DHRS9: variants seen among roughly 807,000 people sequenced by gnomAD.
DHRS9 encodes dehydrogenase/reductase 9, also known as dehydrogenase/reductase SDR family member 9.
DHRS9 carries 18 observed loss-of-function variants against 26.6 expected under a neutral mutation model. The observed-to-expected ratio is 0.68, with a 90% CI of 0.47 to 1.00. The LOEUF (loss-of-function observed/expected upper bound fraction) is 1.00. Ranked by LOEUF, DHRS9 falls within the 50% of genes least tolerant of loss-of-function variation. The probability of loss-of-function intolerance (pLI) is 0.00; values close to 1 mark genes in which losing one functional copy is unlikely to be tolerated. For missense variants in DHRS9, 425 were observed against 378.7 expected (o/e 1.12, Z -1.01); for synonymous variants, 134 against 141.1 (o/e 0.95, Z 0.36).
chr2:169,073,198 T>C (rs1354702077), intron 1 of DHRS9, among the ~76,000 whole-genome samples: 3 of 152,260 alleles, frequency 2.0e-5, no homozygotes, highest in South Asian at 2.1e-4. Flanking sequence ...GAGAAGTATA[T>C]GCAGAGCCCA....
chr2:169,087,833 T>C (rs1254697188), intron 3 of DHRS9, among the ~76,000 whole-genome samples: 1 of 152,186 alleles, frequency 6.6e-6, no homozygotes, highest in Non-Finnish European at 1.5e-5. Context: ...CCTGGTGCCC[T>C]ATCCTACTGT....
intron 4 of DHRS9, among the ~76,000 whole-genome samples, chr2:169,093,790 A>C (rs1426132560): frequency 6.6e-6 from 1 of 152,200 alleles, no homozygotes; most frequent in Non-Finnish European, 1.5e-5. Context: ...CACAAATTGA[A>C]GGTCATCTTT....
chr2:169,093,850 C>A (rs6724509), intron 4 of DHRS9, among the ~76,000 whole-genome samples: 1 of 152,112 alleles, frequency 6.6e-6, no homozygotes, highest in African/African-American at 2.4e-5. Context: ...GCCACTAAGA[C>A]TTATTAGGTT....
intron 1 of DHRS9, among the ~76,000 whole-genome samples, chr2:169,075,133 G>C (rs1031578055): frequency 6.6e-6 from 1 of 152,034 alleles, no homozygotes; most frequent in Non-Finnish European, 1.5e-5. Context: ...CAAAAGTCTG[G>C]GGTTCTTACT....
intron 1 of DHRS9, chr2:169,070,322 C>T: frequency 1.0e-6 from 1 of 985,366 alleles, no homozygotes; most frequent in East Asian, 1.1e-4. Flanking sequence ...ATATTTACTC[C>T]CCATTTTATG....
At chr2:169,080,045 GA>G (rs1416314367) in intron 1 of DHRS9, among the ~76,000 whole-genome samples, 1 of 136,148 alleles carries the variant, frequency 7.3e-6, no homozygotes, top group Admixed American at 7.5e-5. Flanking sequence ...AAGAAAGAAA[GA>G]AAGAAAATAA....
upstream of DHRS9, among the ~76,000 whole-genome samples, chr2:169,068,025 G>A (rs1683694865): frequency 2.0e-5 from 3 of 152,152 alleles, no homozygotes; most frequent in South Asian, 6.2e-4. Flanking sequence ...TGCACTAGGC[G>A]AGTTCATTAA....
At chr2:169,087,435 T>A (rs1684387366) in intron 3 of DHRS9, among the ~76,000 whole-genome samples, 1 of 152,150 alleles carries the variant, frequency 6.6e-6, no homozygotes, top group Admixed American at 6.5e-5. Flanking sequence ...AGCCAAGGCC[T>A]GGAATTGGAG....
At chr2:169,072,280 T>C (rs1481943104) in intron 1 of DHRS9, among the ~76,000 whole-genome samples, 3 of 152,154 alleles carry the variant, frequency 2.0e-5, no homozygotes, top group African/African-American at 4.8e-5. Context: ...TGGGCCACAA[T>C]TGCAACACAT....
chr2:169,071,929 A>T (rs13428657), intron 1 of DHRS9, among the ~76,000 whole-genome samples: 75 of 151,790 alleles, frequency 4.9e-4, no homozygotes, highest in African/African-American at 1.7e-3. Flanking sequence ...TCACAGAAAC[A>T]TAATTTTTTA....
At chr2:169,069,853 A>T in intron 1 of DHRS9, 136 bp downstream of exon 1, 2 of 797,466 alleles carry the variant, frequency 2.5e-6, no homozygotes, top group Non-Finnish European at 3.0e-6. Context: ...TTTTAATGTA[A>T]CACATTAGAA....
At position 169,083,533 on chromosome 2, in the gene DHRS9, G is replaced by T; in HGVS notation, c.518G>T (p.Gly173Val). ...SSVGGRLAIVGGGYTPSKYAV... is the reference protein window; with the variant it reads ...SSVGGRLAIVVGGYTPSKYAV... ...GTTGGAGGTCGCCTTGCAATCGTTG[G>T]AGGGGGCTATACTCCATCCAAATAT... The change falls in exon 3 of 5, where the codon GGA becomes GTA. Residue 173 changes from glycine to valine, a missense_variant. Coordinates refer to ENST00000674881, the MANE Select transcript of DHRS9 (RefSeq NM_001376924.1). The T allele has an allele frequency of 1.2e-6, 2 of 1,614,096 alleles. No individual in the cohort carries two copies. The highest frequency in any genetic ancestry group is 2.2e-5 in the South Asian group (2 of 91,078).
chr2:169,081,926 AG>A (rs1260087287), intron 2 of DHRS9, 32 bp downstream of exon 2: 1 of 1,563,032 alleles, frequency 6.4e-7, no homozygotes, highest in Admixed American at 1.9e-5. Flanking sequence ...AGGATGGGAC[AG>A]GGATAGGGGA....
intron 1 of DHRS9, among the ~76,000 whole-genome samples, chr2:169,079,301 A>G (rs572159998): frequency 1.8e-4 from 27 of 152,076 alleles, no homozygotes; most frequent in Non-Finnish European, 3.5e-4. Flanking sequence ...AAACAGCAGT[A>G]AAAATAGTGT....
At chr2:169,094,621 A>G (rs1053519420) in intron 4 of DHRS9, among the ~76,000 whole-genome samples, 2 of 150,982 alleles carry the variant, frequency 1.3e-5, no homozygotes, top group African/African-American at 2.4e-5. Context: ...GGATCAAGTG[A>G]TCTTCCCACC....
At chr2:169,090,949 C>T (rs1407490244) in intron 3 of DHRS9, among the ~76,000 whole-genome samples, 1 of 152,168 alleles carries the variant, frequency 6.6e-6, no homozygotes, top group Non-Finnish European at 1.5e-5. Flanking sequence ...CTGCAGGGCA[C>T]TGTGTGGCCA....
At chr2:169,075,123 CA>C (rs1268710441) in intron 1 of DHRS9, among the ~76,000 whole-genome samples, 1 of 152,000 alleles carries the variant, frequency 6.6e-6, no homozygotes, top group East Asian at 1.9e-4. Context: ...TACTACACTC[CA>C]AAAGTCTGGG....
At chr2:169,068,478 C>T (rs557436573), upstream of DHRS9, among the ~76,000 whole-genome samples, 2 of 152,266 alleles carry the variant, frequency 1.3e-5, no homozygotes, top group African/African-American at 4.8e-5. Flanking sequence ...GTGCCCACCA[C>T]CATGCCTGGC....
chr2:169,095,710 G>A lies in DHRS9; in HGVS notation c.903G>A (p.Leu301=). ...WIPLSHMPAA[L]QDFLLLKQKA... ...CTCTGTCTCACATGCCAGCAGCTTT[G>A]CAAGACTTTTTATTGTTGAAACAGA... Residue 301 remains leucine (L), a synonymous_variant, in exon 5 of 5, where the codon TTG becomes TTA. Transcript: ENST00000674881. 1 of 1,613,894 alleles carries A rather than the reference G, an allele frequency of 6.2e-7. No individual in the cohort carries two copies. The highest frequency in any genetic ancestry group is 1.1e-5 in the South Asian group (1 of 91,074).
Sources: gnomAD v4.1 joint callset for allele counts (sites outside exome capture counted in the v4.1 genomes callset) on GRCh38, gnomAD v4.1.1 for gene constraint, MANE v1.5 for transcripts, NCBI Gene and HGNC (gene_info 2026-07-23, HGNC 2026-07-21) for gene names.